AFTPH: variants seen among roughly 807,000 people sequenced by gnomAD.
AFTPH encodes aftiphilin.
In AFTPH, 7 loss-of-function variants were observed where a neutral mutation model predicts 72.5. That is an observed-to-expected ratio of 0.10 (90% CI 0.05 to 0.18). AFTPH has a LOEUF of 0.18. AFTPH is among the 10% of genes least tolerant of loss of function. The pLI, the probability that AFTPH is intolerant of heterozygous loss-of-function variation, is 1.00. For synonymous variants in AFTPH, 337 were observed against 370.1 expected (o/e 0.91, Z 1.03); for missense variants, 979 against 1,060.5 (o/e 0.92, Z 1.07).
chr2:64,558,004 T>G (rs1403582157), intron 2 of AFTPH, among the ~76,000 whole-genome samples: 1 of 152,204 alleles, frequency 6.6e-6, no homozygotes, highest in Non-Finnish European at 1.5e-5. Flanking sequence ...AAATTGGGGA[T>G]TGGTAAGTAT....
In AFTPH at chr2:64,548,433, A is replaced by AAAAAAAAAAC. The variant is rs1243472946; in HGVS notation, c.-32-3008_-32-3007insAAAAAAACAA. ...AAAAAAAAAAAAAAAAAAAAAAAAA[A>AAAAAAAAAAC]AACTTTAGAAAAAGGAATCCTGTAG... is the stretch of plus-strand genomic sequence containing the variant. On this transcript the variant is annotated intron_variant, in intron 1 of 8. Coordinates refer to ENST00000238856, the Ensembl canonical transcript of AFTPH. 1.2e-3 allele frequency among the ~76,000 whole-genome samples: 125 copies of AAAAAAAAAAC among 102,590 alleles called. 18 individuals are homozygous for AAAAAAAAAAC. The highest frequency in any genetic ancestry group is 2.5e-3 in the African/African-American group (69 of 27,684). 67.3% of individuals were successfully genotyped at this position (102,590 alleles called of 152,430 possible).
intron 2 of AFTPH, among the ~76,000 whole-genome samples, chr2:64,555,964 T>C (rs1230303390): frequency 6.6e-6 from 1 of 151,508 alleles, no homozygotes; most frequent in Non-Finnish European, 1.5e-5. Context: ...CTCCGGACAG[T>C]GTTTGGAACA....
intron 4 of AFTPH, 138 bp downstream of exon 4, chr2:64,569,356 T>C (rs926109971): frequency 4.8e-5 from 57 of 1,198,844 alleles, no homozygotes; most frequent in Admixed American, 5.7e-5. Context: ...TTATATTGAA[T>C]GTGCTGACTT....
chr2:64,537,603 A>G (rs990046231), intron 1 of AFTPH, among the ~76,000 whole-genome samples: 2 of 152,202 alleles, frequency 1.3e-5, no homozygotes, highest in Non-Finnish European at 2.9e-5. Context: ...AACAATTGCT[A>G]AATGCTTTCT....
At chr2:64,586,704 A>T (rs946684665) in intron 8 of AFTPH, among the ~76,000 whole-genome samples, 2 of 152,216 alleles carry the variant, frequency 1.3e-5, no homozygotes, top group South Asian at 4.1e-4. Flanking sequence ...TCATAGCCCC[A>T]TGTCTTTGCA....
intron 1 of AFTPH, among the ~76,000 whole-genome samples, chr2:64,550,535 G>T (rs926362530): frequency 6.6e-6 from 1 of 152,110 alleles, no homozygotes; most frequent in Admixed American, 6.5e-5. Flanking sequence ...AGAATAGATC[G>T]AGGATTAGGG....
In AFTPH at chr2:64,581,526, G is replaced by GTTAA. The variant is rs201613911; in HGVS notation, c.2455+1981_2455+1984dup. 4.6e-3 allele frequency among the ~76,000 whole-genome samples: 700 copies of GTTAA among 152,130 alleles called. 5 individuals are homozygous for GTTAA. The highest frequency in any genetic ancestry group is 0.016 in the African/African-American group (677 of 41,520). Reference sequence around the variant, plus strand: ...AAAACATCCCTAATGTCCTTAGACAGTTAAAGGCAGGGCTGTTGGTTTTTT... The same window carrying GTTAA: ...AAAACATCCCTAATGTCCTTAGACAGTTAATTAAAGGCAGGGCTGTTGGTTTTTT... On this transcript the variant is annotated intron_variant, in intron 7 of 8. Coordinates refer to ENST00000238856, the Ensembl canonical transcript of AFTPH.
chr2:64,561,834 A>G (rs1019863838), intron 2 of AFTPH, among the ~76,000 whole-genome samples: 1 of 152,246 alleles, frequency 6.6e-6, no homozygotes, highest in Non-Finnish European at 1.5e-5. Flanking sequence ...AGAATTAACA[A>G]CTAACTTTGT....
chr2:64,584,283 CTG>C (rs1164672075), intron 7 of AFTPH, among the ~76,000 whole-genome samples: 2 of 151,914 alleles, frequency 1.3e-5, no homozygotes, highest in Non-Finnish European at 2.9e-5. Context: ...TGCTATAAAT[CTG>C]TATTACATGA....
At chr2:64,544,018 A>T (rs1013405901) in intron 1 of AFTPH, among the ~76,000 whole-genome samples, 2 of 152,192 alleles carry the variant, frequency 1.3e-5, no homozygotes, top group Non-Finnish European at 2.9e-5. Context: ...GCTGACTGCT[A>T]TTGGGCTTCT....
intron 1 of AFTPH, among the ~76,000 whole-genome samples, chr2:64,529,289 C>G (rs148515477): frequency 1.3e-3 from 202 of 150,220 alleles, no homozygotes; most frequent in African/African-American, 4.5e-3. Context: ...TAAATCCTTC[C>G]TATTTCAAAT....
rs572604310 is a variant in AFTPH at position 64,562,193 on chromosome 2, G to A, written c.1936-5369G>A. On this transcript the variant is annotated intron_variant, in intron 2 of 8. Transcript: ENST00000238856. ...GCGTCAAGCATAATATGGTATATGG[G>A]AGACAAGATTTGGCTATTTTATGTC... Among the ~76,000 whole-genome samples the A allele has an allele frequency of 5.4e-4, 82 of 152,276 alleles. 1 individual carries two copies. In the South Asian group the frequency reaches 0.017, roughly 31 times the overall value.
chr2:64,530,336 A>G (rs1043942493), intron 1 of AFTPH, among the ~76,000 whole-genome samples: 1 of 152,218 alleles, frequency 6.6e-6, no homozygotes, highest in Non-Finnish European at 1.5e-5. Flanking sequence ...GGCCATATTC[A>G]GATTCTTCCC....
At chr2:64,568,156 T>C (rs1672202444) in intron 3 of AFTPH, among the ~76,000 whole-genome samples, 1 of 152,226 alleles carries the variant, frequency 6.6e-6, no homozygotes, top group Admixed American at 6.5e-5. Context: ...TGATGTTATA[T>C]ATTATTTTTT....
At chr2:64,568,303 C>T (rs112174319) in intron 3 of AFTPH, among the ~76,000 whole-genome samples, 1 of 151,748 alleles carries the variant, frequency 6.6e-6, no homozygotes, top group African/African-American at 2.4e-5. Context: ...ATTGTTGACT[C>T]AAGCCACTGT....
At chr2:64,567,165 G>A (rs1381807877) in intron 2 of AFTPH, among the ~76,000 whole-genome samples, 2 of 152,168 alleles carry the variant, frequency 1.3e-5, no homozygotes, top group African/African-American at 4.8e-5. Flanking sequence ...AGACATTCCA[G>A]TGTGGTGGAA....
chr2:64,549,366 G>C (rs570510486), intron 1 of AFTPH, among the ~76,000 whole-genome samples: 6 of 122,514 alleles, frequency 4.9e-5, no homozygotes, highest in African/African-American at 1.5e-4. Context: ...TGTCACTCAG[G>C]CTGGAGTGCT....
Position 64,567,723 on chromosome 2 carries a change from A to T in AFTPH, c.2087+10A>T, listed in dbSNP as rs1672170160. The T allele has an allele frequency of 2.5e-6, 4 of 1,600,620 alleles. No individual in the cohort carries two copies. Among genetic ancestry groups the T allele is most frequent in the Non-Finnish European group, 3.4e-6 (4 of 1,175,830 alleles). On this transcript the variant is annotated intron_variant, in intron 3 of 8. Coordinates refer to ENST00000238856, the Ensembl canonical transcript of AFTPH. ...CCTTACCTGAAAGTGGGTAAGTAGG[A>T]GACTGTTTTTAGATAGCATGTGTTT...
At chr2:64,592,658 G>A (rs1673894826) in exon 9 of AFTPH, 1 of 152,554 alleles carries the variant, frequency 6.6e-6, no homozygotes, top group South Asian at 2.1e-4. Flanking sequence ...GATTGGAGGG[G>A]TTTAAAGAGA....
Sources: gnomAD v4.1 joint callset for allele counts (sites outside exome capture counted in the v4.1 genomes callset) on GRCh38, gnomAD v4.1.1 for gene constraint, MANE v1.5 for transcripts, NCBI Gene and HGNC (gene_info 2026-07-23, HGNC 2026-07-21) for gene names.